TDRD5: variants seen among roughly 807,000 people sequenced by gnomAD.
The protein encoded by TDRD5 is tudor domain containing 5, also known as tudor domain-containing protein 5.
A neutral mutation model predicts 120.6 loss-of-function variants in TDRD5; 41 were observed. The observed-to-expected ratio is 0.34, with a 90% CI of 0.26 to 0.44. The LOEUF is 0.44. Ranked by LOEUF, TDRD5 falls within the 20% of genes least tolerant of loss-of-function variation. TDRD5 has a pLI of 1.00. For synonymous variants in TDRD5, 430 were observed against 433.7 expected (o/e 0.99, Z 0.11); for missense variants, 1,006 against 1,221.2 (o/e 0.82, Z 2.63).
intron 17 of TDRD5, among the ~76,000 whole-genome samples, chr1:179,674,600 C>T (rs1237545114): frequency 6.6e-6 from 1 of 152,062 alleles, no homozygotes; most frequent in East Asian, 1.9e-4. Flanking sequence ...TTTTGGAATA[C>T]TGTCAATAGG....
intron 3 of TDRD5, among the ~76,000 whole-genome samples, chr1:179,595,196 T>C (rs1241492710): frequency 6.6e-6 from 1 of 152,152 alleles, no homozygotes; most frequent in East Asian, 1.9e-4. Context: ...TTGAAGAATT[T>C]ATATTTTATA....
At chr1:179,639,027 C>T (rs1397566526) in intron 9 of TDRD5, among the ~76,000 whole-genome samples, 2 of 152,224 alleles carry the variant, frequency 1.3e-5, no homozygotes, top group African/African-American at 2.4e-5. Flanking sequence ...TGGAAATATT[C>T]GAGTTTTGAA....
At chr1:179,679,274 T>C (rs1680305548) in intron 17 of TDRD5, among the ~76,000 whole-genome samples, 2 of 152,196 alleles carry the variant, frequency 1.3e-5, no homozygotes, top group Admixed American at 1.3e-4. Context: ...GTTAAAATAT[T>C]GTTAAGGATT....
chr1:179,593,559 T>C lies in TDRD5; in HGVS notation c.332T>C (p.Ile111Thr). The C allele has an allele frequency of 6.2e-7, 1 of 1,614,248 alleles. No individual in the cohort carries two copies. The highest frequency in any genetic ancestry group is 1.3e-5 in the African/African-American group (1 of 75,054). The part of the protein sequence containing the change: ...RNSMHKGRPS[I>T]YSGPRSHRRV... ...TCAATGCATAAGGGAAGACCTAGTA[T>C]TTATTCTGGACCGAGATCTCATCGG... Residue 111 changes from isoleucine to threonine, a missense_variant, in exon 3 of 18, where the codon ATT (isoleucine) becomes ACT (threonine). Ile to Thr is a moderately conservative substitution (Grantham distance 89, BLOSUM62 -1). Coordinates refer to ENST00000444136, the MANE Select transcript of TDRD5 (RefSeq NM_001199085.3).
chr1:179,649,063 C>T (rs950622193), intron 11 of TDRD5, among the ~76,000 whole-genome samples: 30 of 152,138 alleles, frequency 2.0e-4, no homozygotes, highest in African/African-American at 4.1e-4. Context: ...TTTCCCTTAT[C>T]GTTTTCTGAG....
chr1:179,630,248 C>T (rs1004256289), intron 6 of TDRD5, among the ~76,000 whole-genome samples: 12 of 152,172 alleles, frequency 7.9e-5, no homozygotes, highest in African/African-American at 1.4e-4. Flanking sequence ...CCACCTGCCT[C>T]GGCCTCCCAA....
chr1:179,620,796 A>G (rs1244636808), intron 5 of TDRD5, among the ~76,000 whole-genome samples: 5 of 152,118 alleles, frequency 3.3e-5, no homozygotes, highest in African/African-American at 1.2e-4. Flanking sequence ...GAGTTGTGGT[A>G]TTGCAGTAGC....
At position 179,667,428 on chromosome 1, in the gene TDRD5, A is replaced by G. The variant is rs16854479; in HGVS notation, c.2650-1766A>G. ...GGCAGTAGGGCATAATGTAAAAAGC[A>G]CTGGTCTGTGAGTGCTATAATCTAG... is the stretch of plus-strand genomic sequence containing the variant. On this transcript the variant is annotated intron_variant, in intron 16 of 17. Coordinates refer to ENST00000444136, the MANE Select transcript of TDRD5 (RefSeq NM_001199085.3). Among the ~76,000 whole-genome samples the G allele has an allele frequency of 8.0e-3, 1,225 of 152,312 alleles. 16 individuals carry two copies. Among genetic ancestry groups the G allele is most frequent in the African/African-American group, 0.028 (1,172 of 41,558 alleles).
chr1:179,684,067 C>CTT (rs1291898711), intron 17 of TDRD5, among the ~76,000 whole-genome samples: 1 of 151,748 alleles, frequency 6.6e-6, no homozygotes, highest in Non-Finnish European at 1.5e-5. Context: ...TTTTATTATA[C>CTT]TTTAAGTTTT....
chr1:179,627,544 G>A lies in TDRD5; in HGVS notation c.973-3223G>A, dbSNP rs912074348. ...AATGAATAATTAGATAATTCAAATT[G>A]TGTATACAAGGATATCCTAGTTATA... On this transcript the variant is annotated intron_variant, in intron 6 of 17. Coordinates refer to ENST00000444136, the MANE Select transcript of TDRD5 (RefSeq NM_001199085.3). Among the ~76,000 whole-genome samples, 6 of 152,144 alleles carry A rather than the reference G, an allele frequency of 3.9e-5. No individual in the cohort carries two copies. The East Asian group carries it at 9.6e-4, about 24-fold the overall frequency.
At position 179,630,784 on chromosome 1, in the gene TDRD5, A is replaced by C; in HGVS notation, c.990A>C (p.Gln330His). The C allele has an allele frequency of 6.2e-7, 1 of 1,613,580 alleles. No homozygotes were observed. The highest frequency in any genetic ancestry group is 8.5e-7 in the Non-Finnish European group (1 of 1,179,838). The change falls in exon 7 of 18, where the codon CAA becomes CAC. Residue 330 changes from glutamine (Q) to histidine (H), a missense_variant. Physicochemically the swap from Gln to His is conservative, Grantham distance 24. Coordinates refer to ENST00000444136, the MANE Select transcript of TDRD5 (RefSeq NM_001199085.3). Reference protein sequence around the residue: ...LGEYEVIFKEQLSPKKLGFLN... With the variant: ...LGEYEVIFKEHLSPKKLGFLN... ...TGTGACAGGTAATTTTTAAAGAGCAACTATCACCAAAAAAATTAGGCTTCT... is the reference window on the plus strand; with the variant it reads ...TGTGACAGGTAATTTTTAAAGAGCACCTATCACCAAAAAAATTAGGCTTCT...
intron 17 of TDRD5, among the ~76,000 whole-genome samples, chr1:179,675,424 C>T (rs1159161513): frequency 9.4e-5 from 14 of 149,280 alleles, no homozygotes; most frequent in African/African-American, 3.0e-4. Flanking sequence ...GGATTACAGG[C>T]GCCCACCACC....
intron 4 of TDRD5, among the ~76,000 whole-genome samples, chr1:179,607,506 GT>G (rs967907446): frequency 6.6e-6 from 1 of 151,370 alleles, no homozygotes; most frequent in Admixed American, 6.6e-5. Context: ...CTGGTTAAGT[GT>G]TTTTTTTAGG....
intron 6 of TDRD5, among the ~76,000 whole-genome samples, chr1:179,625,981 G>A (rs1054422356): frequency 6.6e-6 from 1 of 151,106 alleles, no homozygotes; most frequent in Non-Finnish European, 1.5e-5. Flanking sequence ...ACCAAACACC[G>A]CATATTCTCA....
chr1:179,668,935 G>A (rs193230464), intron 16 of TDRD5, among the ~76,000 whole-genome samples: 236 of 151,678 alleles, frequency 1.6e-3, no homozygotes, highest in African/African-American at 5.3e-3. Context: ...TAGTAGAGAC[G>A]GGGTTTCACC....
chr1:179,616,124 A>G (rs539176763), intron 4 of TDRD5, among the ~76,000 whole-genome samples: 14 of 152,294 alleles, frequency 9.2e-5, no homozygotes, highest in African/African-American at 2.6e-4. Context: ...AAAAGAGGCC[A>G]TAATTTGCTG....
At chr1:179,650,497 T>G (rs2102060766) in intron 11 of TDRD5, among the ~76,000 whole-genome samples, 1 of 151,868 alleles carries the variant, frequency 6.6e-6, no homozygotes, top group African/African-American at 2.4e-5. Context: ...AATTTTGGCC[T>G]GATAATTTGT....
In TDRD5 at chr1:179,605,583, T is replaced by A. The variant is rs116189222; in HGVS notation, c.831+9765T>A. On this transcript the variant is annotated intron_variant, in intron 4 of 17. Transcript: ENST00000444136. ...ACTATTGTAGTGTCATACTGAATAG[T>A]TGCACTCCCCTAAAAGTCCTCTGTG... is the stretch of plus-strand genomic sequence containing the variant. Among the ~76,000 whole-genome samples, 340 of 152,268 alleles carry A rather than the reference T, an allele frequency of 2.2e-3. 6 individuals carry two copies. The highest frequency in any genetic ancestry group is 7.7e-3 in the African/African-American group (321 of 41,560).
chr1:179,665,297 T>C (rs937062807), intron 16 of TDRD5, among the ~76,000 whole-genome samples: 5 of 152,148 alleles, frequency 3.3e-5, no homozygotes, highest in Non-Finnish European at 7.4e-5. Context: ...GAGCTCTTGG[T>C]CTCCCCTAAT....
Sources: gnomAD v4.1 joint callset for allele counts (sites outside exome capture counted in the v4.1 genomes callset) on GRCh38, gnomAD v4.1.1 for gene constraint, MANE v1.5 for transcripts, NCBI Gene and HGNC (gene_info 2026-07-23, HGNC 2026-07-21) for gene names.